Variants in SGO1 observed in about 807,000 individuals in gnomAD.
SGO1 encodes the protein serologically defined breast cancer antigen NY-BR-85.
A neutral mutation model predicts 50.5 loss-of-function variants in SGO1; 39 were observed. The ratio of observed to expected loss-of-function variants is 0.77; its 90% CI spans 0.60 to 1.01. The LOEUF (loss-of-function observed/expected upper bound fraction) is 1.01. Among genes scored for constraint, SGO1 ranks in the 50% least tolerant of loss-of-function variants. The pLI, the probability that SGO1 is intolerant of heterozygous loss-of-function variation, is 0.00. For synonymous variants in SGO1, 191 were observed against 205.1 expected, an observed-to-expected ratio of 0.93 and a Z score of 0.59; for missense variants, 638 against 606.0, an observed-to-expected ratio of 1.05 and a Z score of -0.55.
intron 3 of SGO1, among the ~76,000 whole-genome samples, chr3:20,179,810 T>C (rs979755343): frequency 2.6e-5 from 4 of 152,098 alleles, no homozygotes; most frequent in African/African-American, 9.7e-5. Context: ...AAAGGTAGAA[T>C]GAAAAGCAGG....
At chr3:20,183,485 G>C in intron 3 of SGO1, 123 bp downstream of exon 3, 1 of 806,736 alleles carries the variant, frequency 1.2e-6, no homozygotes, top group Non-Finnish European at 1.9e-6. Flanking sequence ...ACTAAAGAAG[G>C]ATGTTTTAAA....
At position 20,170,680 on chromosome 3, in the gene SGO1, T is replaced by A; in HGVS notation, c.*24A>T. The stretch of plus-strand genomic sequence containing the variant: ...GCAACAGAAAGAGGTGTAGATTGAA[T>A]TTAAACAATATCCAACAAAACCTTC... On this transcript the variant is annotated 3_prime_UTR_variant, in exon 8 of 8. Transcript: ENST00000412997. 2 of 1,551,128 alleles carry A rather than the reference T, an allele frequency of 1.3e-6. No homozygotes were observed. Among genetic ancestry groups the A allele is most frequent in the South Asian group, 1.2e-5 (1 of 81,228 alleles).
In SGO1 at chr3:20,183,880, T is replaced by G; in HGVS notation, c.142+6A>C. 1.9e-6 allele frequency: 3 copies of G among 1,604,832 alleles called. No individual in the cohort carries two copies. Among genetic ancestry groups the G allele is most frequent in the Non-Finnish European group, 2.5e-6 (3 of 1,177,886 alleles). ...GATATAAAAGGACAACATAAAAATC[T>G]CTTACTGATTATTTGGCATGGTGCA... is the stretch of plus-strand genomic sequence containing the variant. On this transcript the variant is annotated splice_donor_region_variant and intron_variant, in intron 2 of 7. Coordinates refer to ENST00000412997, the MANE Select transcript of SGO1 (RefSeq NM_001199251.3).
chr3:20,181,726 C>T (rs1055703240), intron 3 of SGO1, among the ~76,000 whole-genome samples: 3 of 152,116 alleles, frequency 2.0e-5, no homozygotes, highest in Admixed American at 6.6e-5. Flanking sequence ...TTTCCCCCTA[C>T]TAGTTGACTG....
At chr3:20,166,732 G>A (rs1420233598), downstream of SGO1, among the ~76,000 whole-genome samples, 1 of 151,304 alleles carries the variant, frequency 6.6e-6, no homozygotes, top group Non-Finnish European at 1.5e-5. Context: ...ATGGTCAGGT[G>A]TGGTGGCTCA....
intron 7 of SGO1, 96 bp downstream of exon 7, chr3:20,170,947 T>C (rs976380754): frequency 6.8e-6 from 10 of 1,467,492 alleles, no homozygotes; most frequent in Admixed American, 2.7e-5. Flanking sequence ...CAAATGTTTA[T>C]ATTTCAGAAA....
chr3:20,174,211 G>C (rs200549744), intron 6 of SGO1, 38 bp downstream of exon 6: 1 of 1,484,962 alleles, frequency 6.7e-7, no homozygotes. Flanking sequence ...CATTTATCAC[G>C]AACATTAAAA....
In SGO1 at chr3:20,170,723, C is replaced by T. The variant is rs1559350704; in HGVS notation, c.1565G>A (p.Ser522Asn). Residue 522 changes from serine to asparagine, a missense_variant, in exon 8 of 8, where the codon AGT (serine) becomes AAT (asparagine). Coordinates refer to ENST00000412997, the MANE Select transcript of SGO1 (RefSeq NM_001199251.3). Reference sequence around the variant, plus strand: ...AAACCTTCATTGTATTTGTTTCATACTTTTTTTAGAACGTCTCAAATCCTT... The same window carrying T: ...AAACCTTCATTGTATTTGTTTCATATTTTTTTTAGAACGTCTCAAATCCTT... ...QKKDLRRSKK[S>N]MKQIQ 3.2e-6 allele frequency: 5 copies of T among 1,584,982 alleles called. No individual in the cohort carries two copies. The highest frequency in any genetic ancestry group is 4.3e-6 in the Non-Finnish European group (5 of 1,172,774).
At position 20,178,274 on chromosome 3, in the gene SGO1, A is replaced by T; in HGVS notation, c.413T>A (p.Leu138Ter). 1 of 1,604,072 alleles carries T rather than the reference A, an allele frequency of 6.2e-7. No individual in the cohort carries two copies. Among genetic ancestry groups the T allele is most frequent in the Non-Finnish European group, 8.5e-7 (1 of 1,171,132 alleles). ...TGATAAAGAATTTGATACTAACGGT[A>T]AATCCTTCACAAATAAATTTCTGGA... ...DSSRNLFVKDLPQIPLEETEL... is the reference protein window; with the variant it reads ...DSSRNLFVKD The change falls in exon 4 of 8, where the codon TTA becomes TAA. Residue 138 changes from leucine to a stop codon, truncating the protein, a stop_gained. Transcript: ENST00000412997. LOFTEE classifies it high-confidence loss of function.
At chr3:20,173,474 AC>A (rs1181073506) in intron 6 of SGO1, among the ~76,000 whole-genome samples, 1 of 152,184 alleles carries the variant, frequency 6.6e-6, no homozygotes, top group African/African-American at 2.4e-5. Flanking sequence ...CTTGCCTGCT[AC>A]CACTGACTAA....
chr3:20,175,792 T>A (rs1258738745), intron 5 of SGO1, among the ~76,000 whole-genome samples: 1 of 132,314 alleles, frequency 7.6e-6, no homozygotes, highest in East Asian at 2.3e-4. Flanking sequence ...AGAGCAAGAC[T>A]GTCAAAAAAA....
rs926805618 is a variant in SGO1 at position 20,173,793 on chromosome 3, C to T, written c.1282+456G>A. 1.6e-4 allele frequency among the ~76,000 whole-genome samples: 25 copies of T among 152,154 alleles called. 1 individual carries two copies. The highest frequency in any genetic ancestry group is 9.8e-4 in the Admixed American group (15 of 15,270). ...GATGTCGTACAAAAGAATACTAAGCCTATCAATTGAGGAAATCTTCACTAA... is the reference window on the plus strand; with the variant it reads ...GATGTCGTACAAAAGAATACTAAGCTTATCAATTGAGGAAATCTTCACTAA... On this transcript the variant is annotated intron_variant, in intron 6 of 7. Transcript: ENST00000412997.
chr3:20,173,792 C>A (rs979862018), intron 6 of SGO1, among the ~76,000 whole-genome samples: 10 of 152,082 alleles, frequency 6.6e-5, no homozygotes, highest in African/African-American at 2.4e-4. Flanking sequence ...GAATACTAAG[C>A]CTATCAATTG....
chr3:20,184,279 A>G (rs540012920), intron 1 of SGO1, among the ~76,000 whole-genome samples: 43 of 152,320 alleles, frequency 2.8e-4, no homozygotes, highest in African/African-American at 1.0e-3. Context: ...TCCAACCCAA[A>G]GATTCCACAA....
chr3:20,180,711 C>G (rs898552887), intron 3 of SGO1, among the ~76,000 whole-genome samples: 64 of 152,152 alleles, frequency 4.2e-4, no homozygotes, highest in African/African-American at 1.5e-3. Context: ...AATTCTCACT[C>G]AATTCCTAAG....
At chr3:20,163,918 T>C (rs187813202) in intron 8 of SGO1, among the ~76,000 whole-genome samples, 1 of 152,204 alleles carries the variant, frequency 6.6e-6, no homozygotes, top group Non-Finnish European at 1.5e-5. Flanking sequence ...AAAACATCTC[T>C]ACATCAACTT....
intron 8 of SGO1, among the ~76,000 whole-genome samples, chr3:20,163,289 C>A (rs7620006): frequency 0.033 from 5,096 of 152,198 alleles, 215 homozygotes; most frequent in East Asian, 0.2. Flanking sequence ...TTTAATTTTA[C>A]ATAAACATGC....
At chr3:20,185,591 G>A (rs1702558557) in intron 1 of SGO1, among the ~76,000 whole-genome samples, 1 of 152,206 alleles carries the variant, frequency 6.6e-6, no homozygotes, top group Non-Finnish European at 1.5e-5. Context: ...TAGGATACTA[G>A]TCAGTGCCGG....
chr3:20,162,457 A>C (rs1469998251), intron 8 of SGO1, among the ~76,000 whole-genome samples: 1 of 152,214 alleles, frequency 6.6e-6, no homozygotes, highest in Non-Finnish European at 1.5e-5. Context: ...AATAAAGATC[A>C]AGCTGATCTC....
Sources: gnomAD v4.1 joint callset for allele counts (sites outside exome capture counted in the v4.1 genomes callset) on GRCh38, gnomAD v4.1.1 for gene constraint, MANE v1.5 for transcripts, NCBI Gene and HGNC (gene_info 2026-07-23, HGNC 2026-07-21) for gene names.